CROCC2: variants seen among roughly 807,000 people sequenced by gnomAD.
CROCC2 encodes the protein ciliary rootlet coiled-coil protein 2.
In CROCC2, 163 loss-of-function variants were observed where a neutral mutation model predicts 177.6. The ratio of observed to expected loss-of-function variants is 0.92; its 90% CI spans 0.81 to 1.05. The LOEUF is 1.05. Ranked by LOEUF, CROCC2 falls within the 50% of genes least tolerant of loss-of-function variation. The pLI, the probability that CROCC2 is intolerant of heterozygous loss-of-function variation, is 0.00. For synonymous variants in CROCC2, 904 were observed against 787.3 expected (o/e 1.15, Z -2.48); for missense variants, 1,929 against 1,797.8 (o/e 1.07, Z -1.32).
At chr2:240,962,723 C>T (rs1178033116) in intron 20 of CROCC2, among the ~76,000 whole-genome samples, 3 of 152,198 alleles carry the variant, frequency 2.0e-5, no homozygotes, top group Non-Finnish European at 4.4e-5. Flanking sequence ...ACACGAGAGC[C>T]GGAATGGAGC....
At chr2:240,910,530 C>T (rs11679216) in intron 1 of CROCC2, among the ~76,000 whole-genome samples, 30,750 of 152,176 alleles carry the variant, frequency 0.2, 3,207 homozygotes, top group East Asian at 0.23. Context: ...CCAGCTGTCC[C>T]TCTTTGCTGA....
At chr2:240,930,446 G>A (rs2059421430) in intron 6 of CROCC2, among the ~76,000 whole-genome samples, 177 bp downstream of exon 6, 1 of 152,132 alleles carries the variant, frequency 6.6e-6, no homozygotes, top group Non-Finnish European at 1.5e-5. Context: ...GAGCAGCGAT[G>A]AGGGCAGCCT....
At position 240,918,753 on chromosome 2, in the gene CROCC2, A is replaced by T. The variant is rs1181331013; in HGVS notation, c.106A>T (p.Thr36Ser). ...ACTGGAGGACACCATCCTGAGTCCC[A>T]CAGCCAGCAGGGAAGACCGGGCGCT... Reference protein sequence around the residue: ...QRLEDTILSPTASREDRALTV... With the variant: ...QRLEDTILSPSASREDRALTV... The change falls in exon 2 of 32, where the codon ACA (threonine) becomes TCA (serine). Residue 36 changes from threonine (T) to serine (S), a missense_variant. Thr to Ser is a moderately conservative substitution (Grantham distance 58). This residue lies in a region of CROCC2 where 1,397 missense variants were observed against 1,239.9 expected (regional missense o/e 1.13). Transcript: ENST00000690015. This position sits in a 1 kb window ranked among gnomAD's most constrained non-coding sequence, Gnocchi z 6.3. 3.5e-6 allele frequency: 2 copies of T among 578,728 alleles called. No individual in the cohort carries two copies. The highest frequency in any genetic ancestry group is 6.7e-5 in the Admixed American group (2 of 29,948). The allele number at this position is 578,728 out of a possible 1,614,324, so 35.8% of individuals were successfully genotyped here. A position where few individuals can be genotyped will look rare whatever the true frequency, so the allele number is the denominator to read the frequency against.
At chr2:240,913,776 G>C (rs890167269) in intron 1 of CROCC2, among the ~76,000 whole-genome samples, 1 of 152,264 alleles carries the variant, frequency 6.6e-6, no homozygotes, top group African/African-American at 2.4e-5. Context: ...TGGAGGCCAG[G>C]TGTTATCCCA....
In CROCC2 at chr2:240,934,216, C is replaced by T. The variant is rs3935136; in HGVS notation, c.1647-115C>T. ...CCTGGTCCTCCAGGGACTCCATGCT[C>T]CTCCTGGGCCTCCCTGGGCTTGGAG... is the stretch of plus-strand genomic sequence containing the variant. On this transcript the variant is annotated intron_variant, in intron 11 of 31. Transcript: ENST00000690015. 8,169 of 1,197,038 alleles carry T rather than the reference C, an allele frequency of 6.8e-3. 383 individuals carry two copies. In the African/African-American group the frequency reaches 0.1, roughly 15 times the overall value. The allele number at this position is 1,197,038 out of a possible 1,614,324, so 74.2% of individuals were successfully genotyped here.
At chr2:240,930,745 C>T (rs1003179911) in intron 6 of CROCC2, among the ~76,000 whole-genome samples, 186 bp from the exon 7 acceptor site, 4 of 152,098 alleles carry the variant, frequency 2.6e-5, no homozygotes, top group African/African-American at 9.7e-5. Flanking sequence ...CCTGGTCCTG[C>T]CCCTGCTCAC....
chr2:240,965,444 T>C lies in CROCC2; in HGVS notation c.3529T>C (p.Cys1177Arg). 1.3e-6 allele frequency: 2 copies of C among 1,549,846 alleles called. No individual in the cohort carries two copies. The highest frequency in any genetic ancestry group is 1.7e-6 in the Non-Finnish European group (2 of 1,146,948). Residue 1177 changes from cysteine (C) to arginine (R), a missense_variant, in exon 23 of 32, where the codon TGC becomes CGC. Physicochemically the swap from Cys to Arg is radical, Grantham distance 180 (BLOSUM62 -3). Coordinates refer to ENST00000690015, the MANE Select transcript of CROCC2 (RefSeq NM_001351305.2). ...SGEAHELQAQ[C>R]SQEVLELRRQ... ...AGAGGCCCATGAGCTGCAGGCGCAGTGCTCGCAGGAGGTGCTGGAGCTGCG... is the reference window on the plus strand; with the variant it reads ...AGAGGCCCATGAGCTGCAGGCGCAGCGCTCGCAGGAGGTGCTGGAGCTGCG...
intron 31 of CROCC2, among the ~76,000 whole-genome samples, chr2:240,991,503 T>G (rs2059879461): frequency 6.6e-6 from 1 of 152,180 alleles, no homozygotes; most frequent in South Asian, 2.1e-4. Context: ...GGGCCACCAC[T>G]CACTCTTCAG....
At chr2:240,922,432 G>A in intron 3 of CROCC2, 107 bp from the exon 4 acceptor site, 2 of 582,324 alleles carry the variant, frequency 3.4e-6, no homozygotes, top group South Asian at 3.9e-5. Context: ...GGGGCCCCAG[G>A]GAGCCCTCTC....
At chr2:240,962,076 A>T (rs548267019) in intron 20 of CROCC2, among the ~76,000 whole-genome samples, 318 of 112,100 alleles carry the variant, frequency 2.8e-3, no homozygotes, top group Middle Eastern at 3.9e-3. Context: ...ACACGCACTC[A>T]CACTCACACA....
rs2059680094 is a variant in CROCC2, at chr2:240,965,904, G to A, written c.3872G>A (p.Gly1291Asp). ...AGGCAGGATGCGGAGGCCCAGCTGG[G>A]CCGGCTGTGCTCCACGCTCCGCCGT... is the stretch of plus-strand genomic sequence containing the variant. Reference protein sequence around the residue: ...GARQDAEAQLGRLCSTLRRGL... With the variant: ...GARQDAEAQLDRLCSTLRRGL... Residue 1291 changes from glycine to aspartate, a missense_variant, in exon 24 of 32, where the codon GGC (glycine) becomes GAC (aspartate). By Grantham distance (94) the Gly-to-Asp change is moderately conservative (BLOSUM62 -1). Around this residue, in one of 3 missense-constraint regions of CROCC2, gnomAD observed 144 missense variants for 205.2 expected, o/e 0.70. Coordinates refer to ENST00000690015, the MANE Select transcript of CROCC2 (RefSeq NM_001351305.2). 7.0e-6 allele frequency: 10 copies of A among 1,431,790 alleles called. No homozygotes were observed. In the East Asian group the frequency reaches 2.6e-4, roughly 38 times the overall value. The allele number at this position is 1,431,790 out of a possible 1,614,324, so 88.7% of individuals were successfully genotyped here. A position where few individuals can be genotyped will look rare whatever the true frequency, so the allele number is the denominator to read the frequency against.
In CROCC2 at chr2:240,918,822, C is replaced by A; in HGVS notation, c.175C>A (p.Pro59Thr). 1 of 621,040 alleles carries A rather than the reference C, an allele frequency of 1.6e-6. No homozygotes were observed. 38.5% of individuals were successfully genotyped at this position (621,040 alleles called of 1,614,324 possible). Residue 59 changes from proline to threonine, a missense_variant, in exon 2 of 32, where the codon CCC becomes ACC. By Grantham distance (38) the Pro-to-Thr change is conservative (BLOSUM62 -1). This residue lies in a region of CROCC2 where 1,397 missense variants were observed against 1,239.9 expected (regional missense o/e 1.13). Transcript: ENST00000690015. The surrounding 1 kb of genome is among the most constrained non-coding windows in gnomAD (Gnocchi z 6.3). ...CCGGCAGGCCTCGCCCACCCCCGTG[C>A]CCACCCGCATCCGTGAGATCGTGGC... ...EGRQASPTPVPTRIREIVAGS... is the reference protein window; with the variant it reads ...EGRQASPTPVTTRIREIVAGS...
intron 18 of CROCC2, chr2:240,950,820 T>A: frequency 3.4e-6 from 1 of 294,594 alleles, no homozygotes; most frequent in South Asian, 8.0e-5. Flanking sequence ...TACACCCACC[T>A]ACCCATCCAT....
At chr2:240,988,390 G>C (rs955097224) in intron 28 of CROCC2, among the ~76,000 whole-genome samples, 1 of 152,206 alleles carries the variant, frequency 6.6e-6, no homozygotes, top group African/African-American at 2.4e-5. Context: ...TGGCTCATGA[G>C]ACCTGGAGGA....
rs2059665468 is a variant in CROCC2 at position 240,964,596 on chromosome 2, CGTCAGGAG to C, written c.3437_3444del (p.Arg1146ProfsTer24). 1 of 1,549,406 alleles carries C rather than the reference CGTCAGGAG, an allele frequency of 6.5e-7. No homozygotes were observed. The highest frequency in any genetic ancestry group is 1.4e-5 in the African/African-American group (1 of 73,130). ...GCTGGAGCAGGCAGGGGGGGACGCC[CGTCAGGAG>C]CTCCGGGAACTCCACAGACAGGTAG... is the stretch of plus-strand genomic sequence containing the variant. On this transcript the variant is annotated frameshift_variant, in exon 22 of 32. Coordinates refer to ENST00000690015, the MANE Select transcript of CROCC2 (RefSeq NM_001351305.2). LOFTEE classifies it high-confidence loss of function.
At chr2:240,964,733 C>T in intron 22 of CROCC2, 108 bp downstream of exon 22, 1 of 1,333,604 alleles carries the variant, frequency 7.5e-7, no homozygotes, top group Non-Finnish European at 1.0e-6. Flanking sequence ...CGCCTTTGAA[C>T]CACTCTGTCC....
chr2:240,934,926 G>A lies in CROCC2; in HGVS notation c.1802G>A (p.Ser601Asn). ...CCCTCCCTGCCCCAGGCCGAGTGCA[G>A]CAATGCGGACCTGGAGCTTCTTGTG... ...LRSALARAEC[S>N]NADLELLVRR... Residue 601 changes from serine (S) to asparagine (N), a missense_variant, in exon 13 of 32, where the codon AGC (serine) becomes AAC (asparagine). Coordinates refer to ENST00000690015, the MANE Select transcript of CROCC2 (RefSeq NM_001351305.2). The A allele has an allele frequency of 6.6e-7, 1 of 1,519,574 alleles. No homozygotes were observed. Among genetic ancestry groups the A allele is most frequent in the East Asian group, 2.6e-5 (1 of 38,642 alleles). 94.1% of individuals were successfully genotyped at this position (1,519,574 alleles called of 1,614,324 possible). A position where few individuals can be genotyped will look rare whatever the true frequency, so the allele number is the denominator to read the frequency against.
At chr2:240,990,570 GTGTTTTGTTTTGTTT>G (rs368000484) in intron 30 of CROCC2, among the ~76,000 whole-genome samples, 1 of 151,980 alleles carries the variant, frequency 6.6e-6, no homozygotes, top group Non-Finnish European at 1.5e-5. Flanking sequence ...ATCATTCTGA[GTGTTTTGTTTTGTTT>G]TGTTTTGTTT....
At chr2:240,983,996 G>A (rs2059819600) in intron 28 of CROCC2, among the ~76,000 whole-genome samples, 1 of 152,144 alleles carries the variant, frequency 6.6e-6, no homozygotes, top group South Asian at 2.1e-4. Flanking sequence ...CCCTCTCAAC[G>A]CTCACAAGGA....
Sources: gnomAD v4.1 joint callset for allele counts (sites outside exome capture counted in the v4.1 genomes callset) on GRCh38, gnomAD v4.1.1 for gene constraint, gnomAD v4.1.1 regional missense constraint, Gnocchi (gnomAD v3.1) non-coding constraint, MANE v1.5 for transcripts, NCBI Gene and HGNC (gene_info 2026-07-23, HGNC 2026-07-21) for gene names.